The following DNAH14 variants were observed in gnomAD, a reference collection of about 807,000 sequenced individuals.
DNAH14 encodes axonemal beta dynein heavy chain 14.
Under a neutral mutation model 520.9 loss-of-function variants are expected in DNAH14, and 478 were observed. The observed-to-expected ratio is 0.92, with a 90% CI of 0.85 to 0.99. The LOEUF is 0.99. Among genes scored for constraint, DNAH14 ranks in the 50% least tolerant of loss-of-function variants. DNAH14 has a pLI of 0.00. For missense variants in DNAH14, 4,831 were observed against 5,234.5 expected, an observed-to-expected ratio of 0.92 and a Z score of 2.38; for synonymous variants, 1,581 against 1,757.2, an observed-to-expected ratio of 0.90 and a Z score of 2.51.
At chr1:225,122,988 G>A (rs916033754) in intron 26 of DNAH14, among the ~76,000 whole-genome samples, 3 of 152,086 alleles carry the variant, frequency 2.0e-5, no homozygotes, top group Admixed American at 6.5e-5. Context: ...ATCATTGACC[G>A]ATTTGACTAT....
chr1:225,082,173 TG>T (rs1433156984), intron 19 of DNAH14, among the ~76,000 whole-genome samples: 5 of 149,916 alleles, frequency 3.3e-5, no homozygotes, highest in African/African-American at 1.2e-4. Context: ...ATGTTTGTGG[TG>T]TGTGTGTGTG....
At chr1:225,089,843 A>G (rs562760448) in intron 21 of DNAH14, among the ~76,000 whole-genome samples, 21 of 152,334 alleles carry the variant, frequency 1.4e-4, no homozygotes, top group Non-Finnish European at 1.8e-4. Context: ...AAGAACATCT[A>G]TGAAAAACAT....
chr1:225,103,023 G>T (rs1002295494), intron 23 of DNAH14, among the ~76,000 whole-genome samples: 1 of 152,148 alleles, frequency 6.6e-6, no homozygotes, highest in East Asian at 1.9e-4. Flanking sequence ...ATGGTTTTAG[G>T]TCTAACATTT....
intron 1 of DNAH14, among the ~76,000 whole-genome samples, chr1:224,948,779 A>C (rs2059998355): frequency 6.6e-6 from 1 of 152,142 alleles, no homozygotes; most frequent in Non-Finnish European, 1.5e-5. Flanking sequence ...ATCAAAGCAT[A>C]AGTTTAATCC....
intron 82 of DNAH14, among the ~76,000 whole-genome samples, chr1:225,389,507 C>G (rs1443045226): frequency 6.6e-6 from 1 of 152,256 alleles, no homozygotes; most frequent in African/African-American, 2.4e-5. Flanking sequence ...ATAATAATGA[C>G]ATCTGTTGTT....
intron 81 of DNAH14, among the ~76,000 whole-genome samples, chr1:225,382,513 C>T (rs952908464): frequency 6.6e-6 from 1 of 152,020 alleles, no homozygotes; most frequent in African/African-American, 2.4e-5. Flanking sequence ...TGAGACCAGC[C>T]TGGCAAACAT....
rs758233176 is a variant in DNAH14 at position 225,399,235 on chromosome 1, G to A, written c.13820G>A (p.Arg4607Gln). 19 of 1,551,276 alleles carry A rather than the reference G, an allele frequency of 1.2e-5. No homozygotes were observed. Among genetic ancestry groups the A allele is most frequent in the South Asian group, 1.2e-5 (1 of 84,044 alleles). The change falls in exon 86 of 86, where the codon CGG becomes CAG. Residue 4607 changes from arginine to glutamine, a missense_variant. Arg to Gln is a conservative substitution (Grantham distance 43, BLOSUM62 1). Coordinates refer to ENST00000682510, the MANE Select transcript of DNAH14 (RefSeq NM_001367479.1). Reference protein sequence around the residue: ...KKPPSHWITMRVALLCEKNEK With the variant: ...KKPPSHWITMQVALLCEKNEK Reference sequence around the variant, plus strand: ...CCTCCTAGTCACTGGATCACAATGCGGGTTGCATTGCTTTGTGAGAAGAAT... The same window carrying A: ...CCTCCTAGTCACTGGATCACAATGCAGGTTGCATTGCTTTGTGAGAAGAAT...
intron 10 of DNAH14, among the ~76,000 whole-genome samples, chr1:225,013,768 C>T (rs908414300): frequency 1.3e-5 from 2 of 152,080 alleles, no homozygotes; most frequent in Admixed American, 1.3e-4. Flanking sequence ...GGGAAAATTG[C>T]CTACTCAAGC....
chr1:225,221,956 T>C (rs2090082906), intron 41 of DNAH14, among the ~76,000 whole-genome samples: 1 of 152,184 alleles, frequency 6.6e-6, no homozygotes, highest in African/African-American at 2.4e-5. Context: ...TGTCATTAAA[T>C]CTGTACTGAA....
At chr1:224,981,277 GA>G (rs1370050797) in intron 8 of DNAH14, among the ~76,000 whole-genome samples, 1 of 152,144 alleles carries the variant, frequency 6.6e-6, no homozygotes, top group Non-Finnish European at 1.5e-5. Context: ...CTTGGTTTTG[GA>G]ATTAGGGTGA....
Position 225,006,096 on chromosome 1 carries a change from C to T in DNAH14, c.976-1317C>T, listed in dbSNP as rs185665772. Among the ~76,000 whole-genome samples the T allele has an allele frequency of 3.9e-3, 591 of 152,304 alleles. 3 individuals are homozygous for T. Among genetic ancestry groups the T allele is most frequent in the African/African-American group, 0.013 (561 of 41,562 alleles). On this transcript the variant is annotated intron_variant, in intron 9 of 85. Coordinates refer to ENST00000682510, the MANE Select transcript of DNAH14 (RefSeq NM_001367479.1). ...TTATAATTTCTTGTGCCTGTCTTTA[C>T]TGCAATCTTTGAACATAAATTGTGA...
intron 22 of DNAH14, among the ~76,000 whole-genome samples, chr1:225,099,594 A>G (rs1298716609): frequency 6.6e-6 from 1 of 152,148 alleles, no homozygotes; most frequent in Non-Finnish European, 1.5e-5. Context: ...TCAACAGTGC[A>G]GAAACTGAGA....
rs1346131497 is a variant in DNAH14, at chr1:225,100,822, GGA to G, written c.3807_3808del (p.Val1270ProfsTer2). 6.5e-7 allele frequency: 1 copy of G among 1,534,202 alleles called. No individual in the cohort carries two copies. Among genetic ancestry groups the G allele is most frequent in the Non-Finnish European group, 8.8e-7 (1 of 1,142,196 alleles). Reference sequence around the variant, plus strand: ...TGCTTTGCAGATAACCACTTCTGCAGGAGTCCTTGAAATTCTGCAAAATTGTA... The same window carrying G: ...TGCTTTGCAGATAACCACTTCTGCAGGTCCTTGAAATTCTGCAAAATTGTA... ...QNALQITTSA[G>X]VLEILQNCNI... On this transcript the variant is annotated frameshift_variant, in exon 23 of 86. Coordinates refer to ENST00000682510, the MANE Select transcript of DNAH14 (RefSeq NM_001367479.1). LOFTEE classifies it high-confidence loss of function.
chr1:225,250,041 A>T (rs770165857), intron 43 of DNAH14, among the ~76,000 whole-genome samples: 1 of 152,240 alleles, frequency 6.6e-6, no homozygotes, highest in Non-Finnish European at 1.5e-5. Flanking sequence ...TATGCATTAT[A>T]TGCAAGTCTT....
At position 225,153,746 on chromosome 1, in the gene DNAH14, A is replaced by T; in HGVS notation, c.5197-4A>T. On this transcript the variant is annotated splice_polypyrimidine_tract_variant and splice_region_variant and intron_variant, in intron 33 of 85. Coordinates refer to ENST00000682510, the MANE Select transcript of DNAH14 (RefSeq NM_001367479.1). ...AATAATTCAAATATTTTAATGTTTGATAGGATCATTATAATTTTGGCTTGA... is the reference window on the plus strand; with the variant it reads ...AATAATTCAAATATTTTAATGTTTGTTAGGATCATTATAATTTTGGCTTGA... 1 of 1,534,312 alleles carries T rather than the reference A, an allele frequency of 6.5e-7. No individual in the cohort carries two copies. Among genetic ancestry groups the T allele is most frequent in the Non-Finnish European group, 8.8e-7 (1 of 1,133,296 alleles).
intron 57 of DNAH14, 146 bp downstream of exon 57, chr1:225,303,493 T>C: frequency 1.5e-6 from 1 of 671,220 alleles, no homozygotes; most frequent in Non-Finnish European, 2.4e-6. Flanking sequence ...TTACAATGAC[T>C]CCCTATTAAT....
At chr1:225,173,150 A>C (rs1294552489) in intron 36 of DNAH14, among the ~76,000 whole-genome samples, 1 of 152,362 alleles carries the variant, frequency 6.6e-6, no homozygotes, top group South Asian at 2.1e-4. Flanking sequence ...TAAAACCATA[A>C]AAACCCTAGA....
At chr1:224,977,634 G>A (rs563879753) in intron 8 of DNAH14, among the ~76,000 whole-genome samples, 26 of 152,210 alleles carry the variant, frequency 1.7e-4, no homozygotes, top group African/African-American at 6.0e-4. Flanking sequence ...CATTAAATAG[G>A]TACAGCTTTT....
intron 17 of DNAH14, among the ~76,000 whole-genome samples, chr1:225,072,064 T>A (rs1283367423): frequency 6.6e-6 from 1 of 152,146 alleles, no homozygotes; most frequent in Non-Finnish European, 1.5e-5. Context: ...TTCTCTGAAT[T>A]TCCTGAATTT....
Sources: gnomAD v4.1 joint callset for allele counts (sites outside exome capture counted in the v4.1 genomes callset) on GRCh38, gnomAD v4.1.1 for gene constraint, MANE v1.5 for transcripts, NCBI Gene and HGNC (gene_info 2026-07-23, HGNC 2026-07-21) for gene names.